The following ATL2 variants were observed in gnomAD, a reference collection of about 807,000 sequenced individuals.
ATL2 encodes the protein atlastin GTPase 2.
In ATL2, 31 loss-of-function variants were observed where a neutral mutation model predicts 73.9. The observed-to-expected ratio is 0.42, with a 90% CI of 0.32 to 0.57. ATL2 has a LOEUF of 0.57. ATL2 is among the 20% of genes least tolerant of loss of function. The probability of loss-of-function intolerance (pLI) is 0.14; values close to 1 mark genes in which losing one functional copy is unlikely to be tolerated. For synonymous variants in ATL2, 291 were observed against 237.5 expected, an observed-to-expected ratio of 1.23 and a Z score of -2.07; for missense variants, 738 against 702.6, an observed-to-expected ratio of 1.05 and a Z score of -0.57.
chr2:38,320,033 G>T lies in ATL2; in HGVS notation c.364-1014C>A, dbSNP rs186109605. 9.0e-4 allele frequency among the ~76,000 whole-genome samples: 137 copies of T among 152,224 alleles called. 2 individuals carry two copies. The highest frequency in any genetic ancestry group is 3.2e-3 in the African/African-American group (134 of 41,544). On this transcript the variant is annotated intron_variant, in intron 2 of 12. Coordinates refer to ENST00000378954, the MANE Select transcript of ATL2 (RefSeq NM_001135673.4). ...TCAGGCAAGAGAATCACTTGAACCC[G>T]TGGGCAGAGGTTGCAGTGAGCAGAG...
chr2:38,368,588 A>T (rs909623913), intron 1 of ATL2, among the ~76,000 whole-genome samples: 1 of 152,224 alleles, frequency 6.6e-6, no homozygotes, highest in African/African-American at 2.4e-5. Context: ...TAGCATGCCT[A>T]AAGACTAAGA....
chr2:38,332,509 GGA>G (rs1669058178), intron 2 of ATL2, among the ~76,000 whole-genome samples: 1 of 152,086 alleles, frequency 6.6e-6, no homozygotes, highest in Non-Finnish European at 1.5e-5. Context: ...CCCCGCCAAT[GGA>G]AACATTTTTA....
intron 2 of ATL2, among the ~76,000 whole-genome samples, chr2:38,338,223 C>G (rs1415643261): frequency 6.6e-6 from 1 of 152,092 alleles, no homozygotes; most frequent in South Asian, 2.1e-4. Context: ...AAACCAAATA[C>G]CACGATTTTA....
Position 38,318,571 on chromosome 2 carries a change from C to T in ATL2, c.567G>A (p.Thr189=), listed in dbSNP as rs199804672. 176 of 1,612,432 alleles carry T rather than the reference C, an allele frequency of 1.1e-4. 1 individual carries two copies. Among genetic ancestry groups the T allele is most frequent in the Middle Eastern group, 3.3e-4 (2 of 6,046 alleles). ...DSQSTIKDCA[T]VFALSTMTSS... ...TAGTCATAGTGCTCAGAGCAAACAC[C>T]GTTGCACAGTCTTTGATAGTTGACT... Residue 189 remains threonine (T), a synonymous_variant, in exon 4 of 13, where the codon ACG becomes ACA. Transcript: ENST00000378954.
chr2:38,300,657 T>C (rs542599278), intron 9 of ATL2, among the ~76,000 whole-genome samples: 10 of 152,264 alleles, frequency 6.6e-5, no homozygotes, highest in African/African-American at 2.4e-4. Context: ...AACTTTTTTT[T>C]CTCTTTCTTT....
intron 2 of ATL2, among the ~76,000 whole-genome samples, chr2:38,326,563 A>G (rs991956705): frequency 3.9e-5 from 6 of 152,246 alleles, no homozygotes; most frequent in African/African-American, 1.4e-4. Flanking sequence ...TACCAAAAAA[A>G]TCCACACTAG....
At chr2:38,299,168 C>G (rs1005197572) in intron 11 of ATL2, 88 bp downstream of exon 11, 1 of 1,270,082 alleles carries the variant, frequency 7.9e-7, no homozygotes, top group South Asian at 1.9e-5. Context: ...CAAATTCGCT[C>G]AATTATTTAA....
chr2:38,357,062 G>A (rs1425186473), intron 1 of ATL2, among the ~76,000 whole-genome samples: 1 of 152,120 alleles, frequency 6.6e-6, no homozygotes, highest in African/African-American at 2.4e-5. Flanking sequence ...GGGTGCGGTG[G>A]CTCACATCTG....
chr2:38,347,245 T>C (rs765130549), intron 1 of ATL2, among the ~76,000 whole-genome samples: 1 of 152,186 alleles, frequency 6.6e-6, no homozygotes, highest in Non-Finnish European at 1.5e-5. Context: ...CAGAGGGCCT[T>C]ATAAAGCACA....
intron 9 of ATL2, 42 bp downstream of exon 9, chr2:38,309,337 T>A (rs1394648001): frequency 1.3e-6 from 2 of 1,547,508 alleles, no homozygotes; most frequent in African/African-American, 2.8e-5. Flanking sequence ...TTAAGTCAAC[T>A]ACATTTCTAT....
At chr2:38,369,398 G>A (rs1464743864) in intron 1 of ATL2, among the ~76,000 whole-genome samples, 1 of 152,080 alleles carries the variant, frequency 6.6e-6, no homozygotes, top group Non-Finnish European at 1.5e-5. Flanking sequence ...AGCCGAGACT[G>A]CTCTACTGCA....
intron 9 of ATL2, among the ~76,000 whole-genome samples, chr2:38,306,654 T>C (rs1299142592): frequency 6.6e-6 from 1 of 152,188 alleles, no homozygotes; most frequent in Non-Finnish European, 1.5e-5. Context: ...AAAAACCATA[T>C]GACCATTTCA....
chr2:38,366,702 G>A, intron 1 of ATL2, among the ~76,000 whole-genome samples: 1 of 152,080 alleles, frequency 6.6e-6, no homozygotes, highest in Admixed American at 6.5e-5. Context: ...TATGCATAAA[G>A]TCTCTATGAT....
intron 1 of ATL2, among the ~76,000 whole-genome samples, chr2:38,359,020 T>A (rs1317870283): frequency 6.6e-6 from 1 of 152,204 alleles, no homozygotes; most frequent in Admixed American, 6.5e-5. Flanking sequence ...ATTTCTCTCA[T>A]ATAAAATTAG....
chr2:38,313,952 C>T (rs1432138509), intron 6 of ATL2, among the ~76,000 whole-genome samples: 2 of 152,122 alleles, frequency 1.3e-5, no homozygotes, highest in Non-Finnish European at 2.9e-5. Context: ...TATCCAAAAA[C>T]GAAGGCATCA....
intron 12 of ATL2, 113 bp downstream of exon 12, chr2:38,298,031 A>C: frequency 3.2e-6 from 3 of 949,952 alleles, no homozygotes; most frequent in Non-Finnish European, 4.7e-6. Flanking sequence ...AACAGAAGAC[A>C]TCCTTTTGAC....
chr2:38,365,340 T>C (rs1573586371), intron 1 of ATL2, among the ~76,000 whole-genome samples: 1 of 152,184 alleles, frequency 6.6e-6, no homozygotes, highest in East Asian at 1.9e-4. Context: ...CTACCTCAGA[T>C]GACTGTTACA....
chr2:38,376,891 C>T (rs1672004127), intron 1 of ATL2, among the ~76,000 whole-genome samples: 1 of 150,482 alleles, frequency 6.6e-6, no homozygotes, highest in African/African-American at 2.4e-5. Flanking sequence ...CCGGGCCGGT[C>T]GCAGACGCGC....
intron 9 of ATL2, among the ~76,000 whole-genome samples, chr2:38,301,234 T>C (rs1436868605): frequency 6.6e-6 from 1 of 152,126 alleles, no homozygotes; most frequent in Admixed American, 6.5e-5. Flanking sequence ...CCTCCCAAAG[T>C]GCTGGGATTA....
Sources: gnomAD v4.1 joint callset for allele counts (sites outside exome capture counted in the v4.1 genomes callset) on GRCh38, gnomAD v4.1.1 for gene constraint, MANE v1.5 for transcripts, NCBI Gene and HGNC (gene_info 2026-07-23, HGNC 2026-07-21) for gene names.